The following CTNNA1 variants were observed in gnomAD, a reference collection of about 807,000 sequenced individuals.
The protein encoded by CTNNA1 is catenin alpha 1.
Under a neutral mutation model 98.4 loss-of-function variants are expected in CTNNA1, and 37 were observed. That is an observed-to-expected ratio of 0.38 (90% CI 0.29 to 0.49). The LOEUF is 0.49. Among genes scored for constraint, CTNNA1 ranks in the 20% least tolerant of loss-of-function variants. The pLI, the probability that CTNNA1 is intolerant of heterozygous loss-of-function variation, is 0.95. For synonymous variants in CTNNA1, 404 were observed against 413.2 expected (o/e 0.98, Z 0.27); for missense variants, 761 against 1,147.2 (o/e 0.66, Z 4.86).
chr5:138,893,685 G>A (rs1257744899), intron 9 of CTNNA1, among the ~76,000 whole-genome samples: 11 of 147,784 alleles, frequency 7.4e-5, no homozygotes, highest in Middle Eastern at 3.9e-3. Flanking sequence ...GTGCAGTGGC[G>A]CAATCTCGGC....
intron 1 of CTNNA1, among the ~76,000 whole-genome samples, chr5:138,765,429 G>C (rs149158428): frequency 1.7e-3 from 264 of 152,170 alleles, no homozygotes; most frequent in African/African-American, 6.1e-3. Flanking sequence ...TGATCCACCA[G>C]CCTCTTCCTC....
chr5:138,931,804 T>C, intron 16 of CTNNA1: 1 of 985,504 alleles, frequency 1.0e-6, no homozygotes, highest in Non-Finnish European at 1.2e-6. Flanking sequence ...TCATCTCCAG[T>C]ATGGTCTGCG....
At chr5:138,829,204 G>A (rs1761021536) in intron 7 of CTNNA1, among the ~76,000 whole-genome samples, 2 of 152,080 alleles carry the variant, frequency 1.3e-5, no homozygotes, top group African/African-American at 2.4e-5. Context: ...TGGAAAAAGT[G>A]GTTTTTAAGT....
At chr5:138,880,951 A>G (rs1790231498) in intron 7 of CTNNA1, 1 of 427,106 alleles carries the variant, frequency 2.3e-6, no homozygotes. Flanking sequence ...AAAAAAACAC[A>G]TTGAATATGT....
intron 3 of CTNNA1, among the ~76,000 whole-genome samples, chr5:138,795,201 C>T (rs1756818884): frequency 6.7e-6 from 1 of 148,218 alleles, no homozygotes; most frequent in Non-Finnish European, 1.5e-5. Flanking sequence ...GTGGCTCATG[C>T]CTGTAATCCC....
chr5:138,800,621 C>G (rs946403188), intron 3 of CTNNA1, among the ~76,000 whole-genome samples: 3 of 152,002 alleles, frequency 2.0e-5, no homozygotes, highest in Admixed American at 2.0e-4. Context: ...ATGGAGAAAC[C>G]CTGTCTCTAT....
intron 1 of CTNNA1, among the ~76,000 whole-genome samples, chr5:138,756,931 G>C (rs1751714165): frequency 6.6e-6 from 1 of 152,032 alleles, no homozygotes; most frequent in South Asian, 2.1e-4. Flanking sequence ...GGACAGGGAG[G>C]CTCATGCCTA....
chr5:138,930,916 G>GC lies in CTNNA1; in HGVS notation c.2281dup (p.Arg761ProfsTer117), dbSNP rs1476494659. On this transcript the variant is annotated frameshift_variant, in exon 16 of 18. Transcript: ENST00000302763. LOFTEE classifies it high-confidence loss of function. Reference sequence around the variant, plus strand: ...GCAGGATCCAGGATGGACAAGCTTGGCCGCACCATTGCAGACCATGTAAGT... The same window carrying GC: ...GCAGGATCCAGGATGGACAAGCTTGGCCCGCACCATTGCAGACCATGTAAGT... The GC allele has an allele frequency of 6.2e-7, 1 of 1,613,500 alleles. No homozygotes were observed. Among genetic ancestry groups the GC allele is most frequent in the South Asian group, 1.1e-5 (1 of 91,070 alleles).
chr5:138,863,149 G>GT (rs1764437705), intron 7 of CTNNA1, among the ~76,000 whole-genome samples: 1 of 150,708 alleles, frequency 6.6e-6, no homozygotes, highest in Non-Finnish European at 1.5e-5. Context: ...AAATCTAGGT[G>GT]GTTTTTTTTT....
chr5:138,794,829 T>A (rs371686453), intron 3 of CTNNA1, among the ~76,000 whole-genome samples: 2 of 152,330 alleles, frequency 1.3e-5, no homozygotes, highest in African/African-American at 4.8e-5. Context: ...CCTGTTATTT[T>A]ATTATGTTGT....
At position 138,774,383 on chromosome 5, in the gene CTNNA1, T is replaced by G. The variant is rs145844144; in HGVS notation, c.-2-7540T>G. Among the ~76,000 whole-genome samples, 142 of 152,240 alleles carry G rather than the reference T, an allele frequency of 9.3e-4. 1 individual carries two copies. The highest frequency in any genetic ancestry group is 3.3e-3 in the African/African-American group (136 of 41,544). On this transcript the variant is annotated intron_variant, in intron 1 of 17. Coordinates refer to ENST00000302763, the MANE Select transcript of CTNNA1 (RefSeq NM_001903.5). ...AGTAAGACTTCTTGGAAGTTGTCAC[T>G]AACGTTAAAGTTGGGAGATTCCATG...
At chr5:138,803,363 G>A (rs563706390) in intron 3 of CTNNA1, among the ~76,000 whole-genome samples, 6 of 152,040 alleles carry the variant, frequency 3.9e-5, no homozygotes, top group South Asian at 2.1e-4. Flanking sequence ...ACAATGTTAC[G>A]TAGGCTGGTC....
chr5:138,863,897 A>G (rs962607733), intron 7 of CTNNA1, among the ~76,000 whole-genome samples: 3 of 152,220 alleles, frequency 2.0e-5, no homozygotes, highest in Admixed American at 6.5e-5. Context: ...GTTTCTTGGT[A>G]TGGATCACCA....
At chr5:138,834,471 TC>T (rs1761581975) in intron 7 of CTNNA1, among the ~76,000 whole-genome samples, 1 of 152,182 alleles carries the variant, frequency 6.6e-6, no homozygotes, top group African/African-American at 2.4e-5. Context: ...AGACATTTTA[TC>T]CCCATAATAA....
At chr5:138,843,895 G>A (rs1762477984) in intron 7 of CTNNA1, among the ~76,000 whole-genome samples, 1 of 152,206 alleles carries the variant, frequency 6.6e-6, no homozygotes, top group Non-Finnish European at 1.5e-5. Flanking sequence ...CCCCCAAAAG[G>A]AGTCTACTGT....
intron 7 of CTNNA1, among the ~76,000 whole-genome samples, chr5:138,865,107 C>T (rs563991025): frequency 3.9e-5 from 6 of 152,160 alleles, no homozygotes; most frequent in Non-Finnish European, 7.3e-5. Context: ...CCACCGCTCC[C>T]GGCCGGAAGA....
intron 5 of CTNNA1, among the ~76,000 whole-genome samples, chr5:138,824,022 G>C (rs1486745567): frequency 7.0e-6 from 1 of 142,084 alleles, no homozygotes; most frequent in Non-Finnish European, 1.5e-5. Context: ...CTCATAATAA[G>C]TCTTACTCTG....
intron 3 of CTNNA1, among the ~76,000 whole-genome samples, chr5:138,803,515 C>A (rs1159226117): frequency 6.6e-6 from 1 of 152,160 alleles, no homozygotes; most frequent in African/African-American, 2.4e-5. Flanking sequence ...CCCTTGAAAT[C>A]TGGTGTGTGC....
rs1766047973 is a variant in CTNNA1 at position 138,934,159 on chromosome 5, A to C, written c.*70A>C. ...TCAGTCACTGTTCGTCACTCAAATG[A>C]ATTTGCTAAATACAACACTGATACT... is the stretch of plus-strand genomic sequence containing the variant. On this transcript the variant is annotated 3_prime_UTR_variant, in exon 18 of 18. Transcript: ENST00000302763. The C allele has an allele frequency of 8.4e-7, 1 of 1,183,974 alleles. No homozygotes were observed. The highest frequency in any genetic ancestry group is 2.4e-5 in the East Asian group (1 of 42,438). 73.3% of individuals were successfully genotyped at this position (1,183,974 alleles called of 1,614,324 possible). A position where few individuals can be genotyped will look rare whatever the true frequency, so the allele number is the denominator to read the frequency against.
Sources: allele counts gnomAD v4.1 joint callset (sites outside exome capture counted in the v4.1 genomes callset), GRCh38; gene constraint gnomAD v4.1.1; transcripts MANE v1.5; gene names NCBI Gene and HGNC (gene_info 2026-07-23, HGNC 2026-07-21).